Variants in ALK observed in about 807,000 individuals in gnomAD.
ALK encodes ALK receptor tyrosine kinase, also known as ALK tyrosine kinase receptor.
A neutral mutation model predicts 163.1 loss-of-function variants in ALK; 74 were observed. The ratio of observed to expected loss-of-function variants is 0.45; its 90% confidence interval spans 0.38 to 0.55. The LOEUF (loss-of-function observed/expected upper bound fraction) is 0.55. ALK is among the 20% of genes least tolerant of loss of function. The pLI is 0.00. For synonymous variants in ALK, 960 were observed against 843.2 expected (o/e 1.14, Z -2.40); for missense variants, 2,063 against 2,105.3 (o/e 0.98, Z 0.39).
At position 29,471,051 on chromosome 2, in the gene ALK, T is replaced by C. The variant is rs185853363; in HGVS notation, c.1154+60864A>G. Among the ~76,000 whole-genome samples, 4 of 152,202 alleles carry C rather than the reference T, an allele frequency of 2.6e-5. No homozygotes were observed. The East Asian group carries it at 5.8e-4, about 22-fold the overall frequency. ...CCATGAACAGCATAGTAAAATAATATATAACTATATTTTAATGGAATACAC... is the reference window on the plus strand; with the variant it reads ...CCATGAACAGCATAGTAAAATAATACATAACTATATTTTAATGGAATACAC... On this transcript the variant is annotated intron_variant, in intron 4 of 28. Coordinates refer to ENST00000389048, the MANE Select transcript of ALK (RefSeq NM_004304.5).
intron 5 of ALK, among the ~76,000 whole-genome samples, chr2:29,332,011 G>A (rs2148261999): frequency 6.6e-6 from 1 of 152,016 alleles, no homozygotes; most frequent in Admixed American, 6.5e-5. Context: ...AATCAGCCAG[G>A]CGTGGTAGCT....
chr2:29,491,514 T>C (rs1366167469), intron 4 of ALK, among the ~76,000 whole-genome samples: 1 of 152,212 alleles, frequency 6.6e-6, no homozygotes, highest in Non-Finnish European at 1.5e-5. Context: ...TTCAGTTCCC[T>C]GATCTACTAG....
intron 4 of ALK, among the ~76,000 whole-genome samples, chr2:29,455,208 G>A (rs1231058680): frequency 2.6e-5 from 4 of 152,198 alleles, no homozygotes; most frequent in Admixed American, 2.6e-4. Context: ...GCAGGAGGTG[G>A]CGGGAACAGT....
At chr2:29,492,724 G>C (rs972765353) in intron 4 of ALK, among the ~76,000 whole-genome samples, 20 of 152,146 alleles carry the variant, frequency 1.3e-4, no homozygotes, top group Non-Finnish European at 2.5e-4. Context: ...ATAACATCAA[G>C]GGTTTGTTTG....
At chr2:29,915,449 A>T (rs904115653) in intron 1 of ALK, among the ~76,000 whole-genome samples, 6 of 151,988 alleles carry the variant, frequency 3.9e-5, no homozygotes, top group Non-Finnish European at 8.8e-5. Context: ...CGAACTCCTG[A>T]CCTCAAGTGA....
At chr2:29,598,554 C>G (rs962544648) in intron 3 of ALK, among the ~76,000 whole-genome samples, 1 of 152,100 alleles carries the variant, frequency 6.6e-6, no homozygotes, top group Non-Finnish European at 1.5e-5. Flanking sequence ...AATAGGGCAG[C>G]CATGGGTCTA....
chr2:29,398,925 C>T (rs1475975680), intron 4 of ALK, among the ~76,000 whole-genome samples: 1 of 152,160 alleles, frequency 6.6e-6, no homozygotes, highest in Non-Finnish European at 1.5e-5. Context: ...TTAATGGACA[C>T]TCAGGCTCTT....
chr2:29,418,544 C>T (rs778788988), intron 4 of ALK, among the ~76,000 whole-genome samples: 15 of 152,258 alleles, frequency 9.9e-5, no homozygotes, highest in Middle Eastern at 3.4e-3. Flanking sequence ...ACCCCTCTTA[C>T]CCTCCCACCT....
Position 29,377,102 on chromosome 2 carries a change from A to T in ALK, c.1282+6630T>A, listed in dbSNP as rs570327369. Among the ~76,000 whole-genome samples, 5 of 152,350 alleles carry T rather than the reference A, an allele frequency of 3.3e-5. 1 individual carries two copies. The highest frequency in any genetic ancestry group is 1.2e-4 in the African/African-American group (5 of 41,576). On this transcript the variant is annotated intron_variant, in intron 5 of 28. Coordinates refer to ENST00000389048, the MANE Select transcript of ALK (RefSeq NM_004304.5). ...GCTAAGCCCTAATTTTTTAAATAAGATACAGTTAATATACCTATTTTTGGT... is the reference window on the plus strand; with the variant it reads ...GCTAAGCCCTAATTTTTTAAATAAGTTACAGTTAATATACCTATTTTTGGT...
chr2:29,262,039 C>G (rs1006068872), intron 11 of ALK, among the ~76,000 whole-genome samples: 2 of 152,292 alleles, frequency 1.3e-5, no homozygotes, highest in Admixed American at 6.5e-5. Context: ...AATGTTGAGG[C>G]CTTCAATTTC....
intron 25 of ALK, among the ~76,000 whole-genome samples, chr2:29,209,542 CAAA>C (rs76343130): frequency 1.1e-4 from 9 of 80,160 alleles, no homozygotes; most frequent in Admixed American, 1.3e-4. Context: ...AACTCCGTCT[CAAA>C]AAAAAAAAAA....
intron 1 of ALK, among the ~76,000 whole-genome samples, chr2:29,883,583 A>T (rs1218706396): frequency 2.0e-5 from 3 of 152,226 alleles, no homozygotes; most frequent in Non-Finnish European, 2.9e-5. Context: ...AAGAATGCTG[A>T]ATTGAAACAT....
At chr2:29,796,854 A>G (rs1433093820) in intron 1 of ALK, among the ~76,000 whole-genome samples, 2 of 152,142 alleles carry the variant, frequency 1.3e-5, no homozygotes, top group African/African-American at 2.4e-5. Context: ...ATGTAGAAGA[A>G]TAAGCACAAA....
chr2:29,814,584 C>A (rs181090638), intron 1 of ALK, among the ~76,000 whole-genome samples: 2 of 151,552 alleles, frequency 1.3e-5, no homozygotes, highest in Non-Finnish European at 2.9e-5. Context: ...GTCGTGAACC[C>A]GGGAGGCAGA....
chr2:29,555,525 G>C (rs1262773771), intron 3 of ALK, among the ~76,000 whole-genome samples: 1 of 152,148 alleles, frequency 6.6e-6, no homozygotes, highest in Non-Finnish European at 1.5e-5. Context: ...TTCTGTAAGT[G>C]GAAATTGATG....
At chr2:29,600,040 C>G (rs548854648) in intron 3 of ALK, among the ~76,000 whole-genome samples, 1 of 152,140 alleles carries the variant, frequency 6.6e-6, no homozygotes, top group Non-Finnish European at 1.5e-5. Flanking sequence ...GAGCTCACTC[C>G]GGTGAGGACA....
chr2:29,595,005 G>T (rs1246200232), intron 3 of ALK, among the ~76,000 whole-genome samples: 1 of 151,790 alleles, frequency 6.6e-6, no homozygotes, highest in African/African-American at 2.4e-5. Context: ...AATTTTAAAT[G>T]GAAAGGAAGT....
chr2:29,534,630 G>T (rs547896913), intron 3 of ALK, among the ~76,000 whole-genome samples: 1 of 152,304 alleles, frequency 6.6e-6, no homozygotes, highest in African/African-American at 2.4e-5. Flanking sequence ...GGGAAGAATG[G>T]GGGCAAAATA....
At chr2:29,598,627 C>T (rs945309918) in intron 3 of ALK, among the ~76,000 whole-genome samples, 2 of 151,916 alleles carry the variant, frequency 1.3e-5, no homozygotes, top group African/African-American at 2.4e-5. Flanking sequence ...AAATGGTGGT[C>T]TACAAAGCTA....
Sources: allele counts gnomAD v4.1 joint callset (sites outside exome capture counted in the v4.1 genomes callset), GRCh38; gene constraint gnomAD v4.1.1; transcripts MANE v1.5; gene names NCBI Gene and HGNC (gene_info 2026-07-23, HGNC 2026-07-21).